FGF2: variants seen among roughly 807,000 people sequenced by gnomAD.
The protein encoded by FGF2 is basic fibroblast growth factor bFGF.
In FGF2, 13 loss-of-function variants were observed where a neutral mutation model predicts 15.9. That is an observed-to-expected ratio of 0.82 (90% CI 0.53 to 1.30). FGF2 has a LOEUF of 1.30. Among genes scored for constraint, FGF2 ranks in the 50% most tolerant of loss-of-function variants. FGF2 has a pLI of 0.00. For synonymous variants in FGF2, 90 were observed against 78.4 expected (o/e 1.15, Z -0.78); for missense variants, 163 against 196.9 (o/e 0.83, Z 1.03).
Position 122,871,673 on chromosome 4 carries a change from C to T in FGF2, c.179-4648C>T, listed in dbSNP as rs116328031. On this transcript the variant is annotated intron_variant, in intron 1 of 2. Coordinates refer to ENST00000644866, the MANE Select transcript of FGF2 (RefSeq NM_001361665.2). ...CCCATCTTTGCTGTTCTCTAGCCTC[C>T]TTGAGTAACATCTCCAGGTGCAGGA... 4.5e-3 allele frequency among the ~76,000 whole-genome samples: 675 copies of T among 151,424 alleles called. 9 individuals are homozygous for T. The highest frequency in any genetic ancestry group is 0.015 in the African/African-American group (631 of 41,210).
At chr4:122,846,580 G>A (rs1300509288) in intron 1 of FGF2, among the ~76,000 whole-genome samples, 1 of 152,176 alleles carries the variant, frequency 6.6e-6, no homozygotes, top group Non-Finnish European at 1.5e-5. Flanking sequence ...ATATATACTT[G>A]TGTAGTAAAT....
chr4:122,833,322 A>G (rs1331471992), intron 1 of FGF2, among the ~76,000 whole-genome samples: 1 of 152,208 alleles, frequency 6.6e-6, no homozygotes, highest in Non-Finnish European at 1.5e-5. Flanking sequence ...TTGGAGATTT[A>G]AAAATTGAAG....
intron 1 of FGF2, among the ~76,000 whole-genome samples, chr4:122,847,301 G>T (rs1182056505): frequency 6.6e-6 from 1 of 152,166 alleles, no homozygotes; most frequent in East Asian, 1.9e-4. Flanking sequence ...ACTTGGGAGA[G>T]ACAGGAAAGG....
In FGF2 at chr4:122,826,905, A is replaced by C; in HGVS notation, c.-270A>C. 1 of 1,505,770 alleles carries C rather than the reference A, an allele frequency of 6.6e-7. No homozygotes were observed. 93.3% of individuals were successfully genotyped at this position (1,505,770 alleles called of 1,614,324 possible). On this transcript the variant is annotated 5_prime_UTR_variant, in exon 1 of 3. Transcript: ENST00000644866. ...TGCAGCTTGGGAGGCGGCTCTCCCC[A>C]GGCGGCGTCCGCGGAGACACCCATC...
chr4:122,826,840 G>T lies in FGF2; in HGVS notation c.-335G>T. On this transcript the variant is annotated 5_prime_UTR_variant, in exon 1 of 3. Transcript: ENST00000644866. ...CCGCGGCCCGGCGGGTGCCAGATTA[G>T]CGGACGCGGTGCCCGCGGTTGCAAC... 1 of 1,488,702 alleles carries T rather than the reference G, an allele frequency of 6.7e-7. No homozygotes were observed. Among genetic ancestry groups the T allele is most frequent in the South Asian group, 1.3e-5 (1 of 77,982 alleles). 92.2% of individuals were successfully genotyped at this position (1,488,702 alleles called of 1,614,324 possible).
chr4:122,845,557 A>G (rs1206593662), intron 1 of FGF2, among the ~76,000 whole-genome samples: 1 of 152,250 alleles, frequency 6.6e-6, no homozygotes, highest in African/African-American at 2.4e-5. Context: ...GATCTTCTAG[A>G]TAACTTGCGC....
chr4:122,867,719 C>T (rs530485167), intron 1 of FGF2, among the ~76,000 whole-genome samples: 7 of 152,288 alleles, frequency 4.6e-5, no homozygotes, highest in African/African-American at 1.7e-4. Context: ...TGAAACTTAC[C>T]TGATTTAAAC....
At chr4:122,868,631 T>C (rs570436764) in intron 1 of FGF2, among the ~76,000 whole-genome samples, 2 of 152,326 alleles carry the variant, frequency 1.3e-5, no homozygotes, top group Admixed American at 1.3e-4. Context: ...TTTGGGTATA[T>C]ACCCAGTAAT....
chr4:122,877,443 A>G (rs879576002), intron 2 of FGF2, among the ~76,000 whole-genome samples: 2 of 152,124 alleles, frequency 1.3e-5, no homozygotes, highest in African/African-American at 4.8e-5. Context: ...TTTACATGTT[A>G]TCACAGCTTA....
In FGF2 at chr4:122,871,416, G is replaced by A. The variant is rs1286850952; in HGVS notation, c.179-4905G>A. Among the ~76,000 whole-genome samples the A allele has an allele frequency of 2.0e-5, 3 of 152,056 alleles. No individual in the cohort carries two copies. The East Asian group carries it at 5.8e-4, about 29-fold the overall frequency. ...ATTGATCTAATACTGACAGTGGGGTGTTAAAGTCTCCCACTATTATTTCAT... is the reference window on the plus strand; with the variant it reads ...ATTGATCTAATACTGACAGTGGGGTATTAAAGTCTCCCACTATTATTTCAT... On this transcript the variant is annotated intron_variant, in intron 1 of 2. Transcript: ENST00000644866.
At chr4:122,831,463 G>A (rs899011312) in intron 1 of FGF2, among the ~76,000 whole-genome samples, 6 of 152,028 alleles carry the variant, frequency 3.9e-5, no homozygotes, top group African/African-American at 1.5e-4. Flanking sequence ...AATAATACAC[G>A]TACTAGATTC....
intron 1 of FGF2, among the ~76,000 whole-genome samples, chr4:122,852,727 C>G (rs191363584): frequency 6.6e-6 from 1 of 152,186 alleles, no homozygotes; most frequent in Non-Finnish European, 1.5e-5. Flanking sequence ...TTCCACTGCT[C>G]ATTTTTTACC....
intron 1 of FGF2, among the ~76,000 whole-genome samples, chr4:122,840,896 G>T (rs1725970175): frequency 6.6e-6 from 1 of 152,084 alleles, no homozygotes; most frequent in Admixed American, 6.6e-5. Flanking sequence ...GGTTGTCATA[G>T]ATATAAAAAA....
intron 1 of FGF2, among the ~76,000 whole-genome samples, chr4:122,871,558 CA>C (rs1726732966): frequency 1.3e-5 from 2 of 151,970 alleles, no homozygotes; most frequent in African/African-American, 4.8e-5. Flanking sequence ...GACCCTCTAA[CA>C]GGGGGTTGTC....
intron 1 of FGF2, among the ~76,000 whole-genome samples, chr4:122,862,102 G>A (rs1331238486): frequency 6.6e-6 from 1 of 152,122 alleles, no homozygotes. Context: ...AAAGACCAAT[G>A]TTATATTTTC....
chr4:122,872,002 A>G (rs1726747718), intron 1 of FGF2, among the ~76,000 whole-genome samples: 1 of 152,186 alleles, frequency 6.6e-6, no homozygotes, highest in African/African-American at 2.4e-5. Context: ...TCAAGGGTGC[A>G]GAACTGTATG....
chr4:122,881,708 G>A (rs1726963557), intron 2 of FGF2, among the ~76,000 whole-genome samples: 1 of 152,134 alleles, frequency 6.6e-6, no homozygotes, highest in Non-Finnish European at 1.5e-5. Context: ...ACATTTTCCT[G>A]TCATCTTCTG....
intron 1 of FGF2, among the ~76,000 whole-genome samples, chr4:122,860,605 G>A (rs1726441738): frequency 6.6e-6 from 1 of 151,884 alleles, no homozygotes; most frequent in South Asian, 2.1e-4. Flanking sequence ...ACAGGCATAT[G>A]CCACCACGCC....
intron 1 of FGF2, among the ~76,000 whole-genome samples, chr4:122,857,642 C>A (rs1458587234): frequency 6.6e-6 from 1 of 152,168 alleles, no homozygotes; most frequent in Non-Finnish European, 1.5e-5. Flanking sequence ...CCAAACATAT[C>A]TCTTTTAGAA....
Sources: allele counts gnomAD v4.1 joint callset (sites outside exome capture counted in the v4.1 genomes callset), GRCh38; gene constraint gnomAD v4.1.1; transcripts MANE v1.5; gene names NCBI Gene and HGNC (gene_info 2026-07-23, HGNC 2026-07-21).